Variants in KLF8 observed in about 807,000 individuals in gnomAD.
The protein encoded by KLF8 is Krueppel-like factor 8.
In KLF8, 10 loss-of-function variants were observed where a neutral mutation model predicts 18.2. That is an observed-to-expected ratio of 0.55 (90% CI 0.34 to 0.93). KLF8 has a LOEUF of 0.93. Among genes scored for constraint, KLF8 ranks in the 40% least tolerant of loss-of-function variants. KLF8 has a pLI of 0.02. For missense variants in KLF8, 264 were observed against 277.9 expected (o/e 0.95, Z 0.36); for synonymous variants, 109 against 97.3 (o/e 1.12, Z -0.71).
chrX:56,285,565 A>G lies in KLF8; in HGVS notation c.*1071A>G, dbSNP rs1270820087. ...TTATACAGAAGTAAGGGGTTGGAAAAATGGAATGTTGTTCACTCCATGGAA... is the reference window on the plus strand; with the variant it reads ...TTATACAGAAGTAAGGGGTTGGAAAGATGGAATGTTGTTCACTCCATGGAA... On this transcript the variant is annotated 3_prime_UTR_variant, in exon 6 of 6. Transcript: ENST00000468660. The G allele has an allele frequency of 9.0e-6, 1 of 111,641 alleles. No individual in the cohort carries two copies. The highest frequency in any genetic ancestry group is 1.9e-5 in the Non-Finnish European group (1 of 53,101). 9.2% of individuals were successfully genotyped at this position (111,641 alleles called of 1,213,427 possible).
At chrX:56,211,949 G>T in the KLF8 span, among the ~76,000 whole-genome samples, 2 of 110,857 alleles carry the variant, frequency 1.8e-5, no homozygotes, top group Admixed American at 9.6e-5. Context: ...AAATCTCAGC[G>T]GCTCACCCAA....
the KLF8 span, among the ~76,000 whole-genome samples, chrX:56,168,598 A>G: frequency 9.0e-6 from 1 of 110,798 alleles, no homozygotes; most frequent in African/African-American, 3.3e-5. Context: ...TGCTGCACCC[A>G]TGAACTCATC....
intron 2 of KLF8, among the ~76,000 whole-genome samples, chrX:56,257,433 C>T (rs1046935025): frequency 3.2e-4 from 36 of 111,361 alleles, no homozygotes; most frequent in African/African-American, 2.0e-4. Flanking sequence ...TGTGTGATGC[C>T]GAGGTTTGGG....
At chrX:56,104,112 G>A in the KLF8 span, among the ~76,000 whole-genome samples, 324 of 111,917 alleles carry the variant, frequency 2.9e-3, no homozygotes, top group African/African-American at 9.9e-3. Context: ...GATTCAGTTT[G>A]CCAGTATTTT....
chrX:56,050,478 C>A, the KLF8 span, among the ~76,000 whole-genome samples: 2 of 112,034 alleles, frequency 1.8e-5, no homozygotes, highest in Non-Finnish European at 3.8e-5. Context: ...TCTTTGTTCT[C>A]ATTGGTTACA....
chrX:56,053,237 C>T, the KLF8 span, among the ~76,000 whole-genome samples: 4 of 112,319 alleles, frequency 3.6e-5, no homozygotes, highest in South Asian at 1.5e-3. Flanking sequence ...CTGCGTCGCT[C>T]ACGCTGGGAG....
the KLF8 span, among the ~76,000 whole-genome samples, chrX:56,056,196 G>T: frequency 7.2e-5 from 8 of 110,573 alleles, no homozygotes; most frequent in African/African-American, 6.6e-5. Context: ...GGGCTTATGG[G>T]TTTTTTTTAT....
At chrX:56,270,347 A>AACAC (rs370151924) in intron 5 of KLF8, 26 bp downstream of exon 5, 31,021 of 608,354 alleles carry the variant, frequency 0.051, 202 homozygotes, top group Non-Finnish European at 0.058. Context: ...TCTCACCCCC[A>AACAC]ACACACACAC....
At chrX:56,221,991 C>T in the KLF8 span, among the ~76,000 whole-genome samples, 4 of 110,973 alleles carry the variant, frequency 3.6e-5, no homozygotes, top group Non-Finnish European at 7.6e-5. Flanking sequence ...CTGATTGGTG[C>T]GTTTACAATC....
the KLF8 span, among the ~76,000 whole-genome samples, chrX:56,103,134 T>C: frequency 3.6e-5 from 4 of 110,107 alleles, no homozygotes; most frequent in Non-Finnish European, 7.6e-5. Flanking sequence ...TAGTTTGAAG[T>C]CAGGTAGCAT....
At chrX:55,967,541 A>G in the KLF8 span, among the ~76,000 whole-genome samples, 1 of 110,902 alleles carries the variant, frequency 9.0e-6, no homozygotes, top group South Asian at 3.8e-4. Context: ...AAGGAGATAT[A>G]AAGACTGTCC....
the KLF8 span, among the ~76,000 whole-genome samples, chrX:56,057,948 G>T: frequency 1.8e-4 from 19 of 106,985 alleles, no homozygotes; most frequent in Admixed American, 1.8e-3. Flanking sequence ...CATTCAAGAA[G>T]CCAATGGAGA....
At chrX:56,158,686 T>G in the KLF8 span, among the ~76,000 whole-genome samples, 5 of 110,990 alleles carry the variant, frequency 4.5e-5, no homozygotes, top group African/African-American at 1.3e-4. Flanking sequence ...ATTTGGCTGT[T>G]TGTCTGTTAT....
At chrX:56,187,674 C>T in the KLF8 span, among the ~76,000 whole-genome samples, 1 of 110,645 alleles carries the variant, frequency 9.0e-6, no homozygotes, top group South Asian at 3.9e-4. Flanking sequence ...ACTTATCCAC[C>T]ATGATCAAGT....
chrX:56,049,562 A>C, the KLF8 span, among the ~76,000 whole-genome samples: 1 of 105,607 alleles, frequency 9.5e-6, no homozygotes. Context: ...TATATGCTGG[A>C]TTACATTTAT....
At chrX:56,186,799 T>G in the KLF8 span, among the ~76,000 whole-genome samples, 13 of 111,578 alleles carry the variant, frequency 1.2e-4, no homozygotes, top group South Asian at 3.7e-4. Context: ...CGAAATGAAG[T>G]CAGAAGTAAA....
the KLF8 span, among the ~76,000 whole-genome samples, chrX:55,974,447 TAAAC>T: frequency 1.4e-4 from 16 of 111,935 alleles, no homozygotes; most frequent in South Asian, 6.0e-3. Flanking sequence ...GATCCAATAA[TAAAC>T]AATAATAAGG....
chrX:56,226,160 G>A, the KLF8 span, among the ~76,000 whole-genome samples: 10 of 111,979 alleles, frequency 8.9e-5, no homozygotes, highest in Non-Finnish European at 1.7e-4. Flanking sequence ...CACAGGAGGA[G>A]GGGGCAAGGT....
the KLF8 span, among the ~76,000 whole-genome samples, chrX:56,154,866 A>C: frequency 1.8e-5 from 2 of 112,312 alleles, no homozygotes; most frequent in African/African-American, 6.5e-5. Flanking sequence ...GCTCATCATC[A>C]CTGGCCATCA....
Sources: gnomAD v4.1 joint callset for allele counts (sites outside exome capture counted in the v4.1 genomes callset) on GRCh38, gnomAD v4.1.1 for gene constraint, MANE v1.5 for transcripts, NCBI Gene and HGNC (gene_info 2026-07-23, HGNC 2026-07-21) for gene names.